Variants in MCF2L2 observed in about 807,000 individuals in gnomAD.
MCF2L2 encodes probable guanine nucleotide exchange factor MCF2L2.
MCF2L2 carries 102 observed loss-of-function variants against 150.2 expected under a neutral mutation model. The observed-to-expected ratio is 0.68, with a 90% confidence interval of 0.58 to 0.80. The LOEUF is 0.80. Among genes scored for constraint, MCF2L2 ranks in the 30% least tolerant of loss-of-function variants. MCF2L2 has a pLI of 0.00. For missense variants in MCF2L2, 1,256 were observed against 1,372.8 expected (o/e 0.91, Z 1.34); for synonymous variants, 465 against 491.3 (o/e 0.95, Z 0.71).
chr3:183,338,668 G>T, intron 5 of MCF2L2, 132 bp downstream of exon 5: 1 of 812,232 alleles, frequency 1.2e-6, no homozygotes, highest in Non-Finnish European at 1.8e-6. Context: ...TCACACATGC[G>T]GTTCCCTCAG....
chr3:183,271,106 C>A, intron 15 of MCF2L2: 1 of 548,236 alleles, frequency 1.8e-6, no homozygotes, highest in South Asian at 3.8e-5. Flanking sequence ...TATCACTTAT[C>A]TACTTCATTG....
At position 183,428,545 on chromosome 3, in the gene MCF2L2, C is replaced by A. The variant is rs1716287989; in HGVS notation, c.-568G>T. The stretch of plus-strand genomic sequence containing the variant: ...CGGGAACGCTGCGCACCTTTCCCTG[C>A]GGGGAGCCCGCGCTCCACCCCCGGA... On this transcript the variant is annotated 5_prime_UTR_variant, in exon 1 of 30. Coordinates refer to ENST00000328913, the MANE Select transcript of MCF2L2 (RefSeq NM_015078.4). The surrounding 1 kb of genome is among the most constrained non-coding windows in gnomAD (Gnocchi z 5.1). 6.6e-6 allele frequency: 1 copy of A among 152,458 alleles called. No homozygotes were observed. Among genetic ancestry groups the A allele is most frequent in the South Asian group, 2.1e-4 (1 of 4,842 alleles). 9.4% of individuals were successfully genotyped at this position (152,458 alleles called of 1,614,324 possible).
intron 1 of MCF2L2, among the ~76,000 whole-genome samples, chr3:183,400,881 G>C (rs948120591): frequency 6.6e-6 from 1 of 151,894 alleles, no homozygotes; most frequent in Non-Finnish European, 1.5e-5. Context: ...CTTATTCCAG[G>C]CCACAATTCT....
intron 4 of MCF2L2, among the ~76,000 whole-genome samples, chr3:183,340,063 A>G (rs535384771): frequency 6.6e-6 from 1 of 152,234 alleles, no homozygotes; most frequent in East Asian, 1.9e-4. Context: ...GTTATCCCAA[A>G]GATAAATCCT....
intron 22 of MCF2L2, among the ~76,000 whole-genome samples, chr3:183,214,708 C>T (rs184032466): frequency 2.0e-4 from 30 of 151,816 alleles, no homozygotes; most frequent in Non-Finnish European, 3.8e-4. Flanking sequence ...AAAACTTGGC[C>T]GGGCACGATG....
At chr3:183,331,258 T>C (rs761587948) in intron 5 of MCF2L2, among the ~76,000 whole-genome samples, 12 of 152,226 alleles carry the variant, frequency 7.9e-5, no homozygotes, top group Non-Finnish European at 1.5e-4. Context: ...GTAAACGCTC[T>C]GTCCTAGACT....
Position 183,229,704 on chromosome 3 carries a change from G to T in MCF2L2, c.2007C>A (p.Leu669=). The stretch of plus-strand genomic sequence containing the variant: ...CGTAAAGTTCTCTAATATTCCCAAA[G>T]AGAAAGTCCTTGTTATTCTGAAGAA... ...PDVLQNNKDF[L]FGNIRELYEF... The change falls in exon 17 of 30, where the codon CTC becomes CTA. Residue 669 remains leucine, a synonymous_variant. Coordinates refer to ENST00000328913, the MANE Select transcript of MCF2L2 (RefSeq NM_015078.4). 1 of 1,597,982 alleles carries T rather than the reference G, an allele frequency of 6.3e-7. No individual in the cohort carries two copies. The highest frequency in any genetic ancestry group is 8.6e-7 in the Non-Finnish European group (1 of 1,168,070).
chr3:183,330,245 GAAA>G lies in MCF2L2; in HGVS notation c.487-6897_487-6895del, dbSNP rs200391954. 7.8e-3 allele frequency among the ~76,000 whole-genome samples: 448 copies of G among 57,310 alleles called. 3 individuals are homozygous for G. The highest frequency in any genetic ancestry group is 0.031 in the African/African-American group (428 of 13,892). The allele number at this position is 57,310 out of a possible 152,430, so 37.6% of individuals were successfully genotyped here. On this transcript the variant is annotated intron_variant, in intron 5 of 29. Coordinates refer to ENST00000328913, the MANE Select transcript of MCF2L2 (RefSeq NM_015078.4). ...AGGTGACAGAGCAAGACCCTGTCTTGAAAAAAAAAAAAAAAAAAGAAGAAGAAA... is the reference window on the plus strand; with the variant it reads ...AGGTGACAGAGCAAGACCCTGTCTTGAAAAAAAAAAAAAAAGAAGAAGAAA...
chr3:183,390,612 T>C (rs990518777), intron 1 of MCF2L2, among the ~76,000 whole-genome samples: 17 of 152,216 alleles, frequency 1.1e-4, no homozygotes, highest in African/African-American at 4.1e-4. Context: ...CTTCATTCAA[T>C]TATTTCCCAG....
chr3:183,290,870 T>A (rs896060067), intron 13 of MCF2L2, among the ~76,000 whole-genome samples: 2 of 152,146 alleles, frequency 1.3e-5, no homozygotes, highest in African/African-American at 4.8e-5. Flanking sequence ...AAAATGCCAT[T>A]CATTGAATGC....
intron 5 of MCF2L2, 132 bp downstream of exon 5, chr3:183,338,668 G>A (rs574558805): frequency 2.1e-5 from 17 of 812,232 alleles, no homozygotes; most frequent in African/African-American, 1.4e-4. Context: ...TCACACATGC[G>A]GTTCCCTCAG....
chr3:183,341,771 T>C, intron 3 of MCF2L2, 141 bp from the exon 4 acceptor site: 1 of 611,496 alleles, frequency 1.6e-6, no homozygotes, highest in African/African-American at 1.8e-5. Context: ...ACCAACTCCC[T>C]CTCCCAGTCT....
intron 25 of MCF2L2, among the ~76,000 whole-genome samples, chr3:183,204,624 G>C (rs1487802453): frequency 6.6e-6 from 1 of 152,116 alleles, no homozygotes; most frequent in Non-Finnish European, 1.5e-5. Context: ...GTTAACAAAA[G>C]TTACCATATG....
At chr3:183,392,800 C>G (rs1714234317) in intron 1 of MCF2L2, among the ~76,000 whole-genome samples, 1 of 152,192 alleles carries the variant, frequency 6.6e-6, no homozygotes, top group Non-Finnish European at 1.5e-5. Flanking sequence ...CACTTATGCT[C>G]TACACCAAGA....
chr3:183,344,793 C>T (rs1031258091), intron 3 of MCF2L2, among the ~76,000 whole-genome samples: 9 of 152,184 alleles, frequency 5.9e-5, no homozygotes, highest in Admixed American at 5.9e-4. Context: ...TCTGATAAAA[C>T]AGACTTTAAA....
intron 5 of MCF2L2, among the ~76,000 whole-genome samples, chr3:183,326,508 A>C (rs1239221341): frequency 2.0e-4 from 28 of 138,274 alleles, no homozygotes; most frequent in East Asian, 4.3e-4. Flanking sequence ...AAAAAAAAAA[A>C]AAAAAAAACA....
intron 3 of MCF2L2, among the ~76,000 whole-genome samples, chr3:183,353,402 G>C (rs889386096): frequency 2.0e-5 from 3 of 152,166 alleles, no homozygotes; most frequent in Non-Finnish European, 4.4e-5. Context: ...CCAGTAATGG[G>C]ATGTATTAGC....
chr3:183,364,321 C>A (rs1273974807), intron 3 of MCF2L2, among the ~76,000 whole-genome samples: 2 of 151,900 alleles, frequency 1.3e-5, no homozygotes, highest in East Asian at 3.9e-4. Flanking sequence ...TCGAGACCAT[C>A]CTGGCTAACA....
rs1202578855 is a variant in MCF2L2, at chr3:183,333,922, G to T, written c.486+4878C>A. 1.4e-4 allele frequency among the ~76,000 whole-genome samples: 21 copies of T among 148,676 alleles called. No individual in the cohort carries two copies. In the Admixed American group the frequency reaches 1.4e-3, roughly 10 times the overall value. On this transcript the variant is annotated intron_variant, in intron 5 of 29. Transcript: ENST00000328913. ...CTGGATCAGAGCATGCCTGAGAGGG[G>T]CCTAGATGATCATATTAGGCCAGAA...
Sources: gnomAD v4.1 joint callset for allele counts (sites outside exome capture counted in the v4.1 genomes callset) on GRCh38, gnomAD v4.1.1 for gene constraint, Gnocchi (gnomAD v3.1) non-coding constraint, MANE v1.5 for transcripts, NCBI Gene and HGNC (gene_info 2026-07-23, HGNC 2026-07-21) for gene names.